PVT1: variants seen among roughly 807,000 people sequenced by gnomAD.
PVT1 encodes Pvt1 oncogene.
intron 3 of PVT1, among the ~76,000 whole-genome samples, chr8:127,893,056 A>C (rs950176726): frequency 8.5e-5 from 13 of 152,166 alleles, no homozygotes; most frequent in Non-Finnish European, 2.9e-5. Flanking sequence ...CAGTAGGGCC[A>C]GAGTGGGCTC....
intron 3 of PVT1, among the ~76,000 whole-genome samples, chr8:127,930,058 T>C (rs978349922): frequency 1.3e-5 from 2 of 152,168 alleles, no homozygotes; most frequent in Non-Finnish European, 2.9e-5. Context: ...TCACATGCTG[T>C]AGGGGAAAAG....
rs559763427 is a variant in PVT1, at chr8:127,899,965, A to T, written n.782+8967A>T. Among the ~76,000 whole-genome samples, 16 of 152,338 alleles carry T rather than the reference A, an allele frequency of 1.1e-4. No individual in the cohort carries two copies. The East Asian group carries it at 3.1e-3, about 29-fold the overall frequency. On this transcript the variant is annotated intron_variant and non_coding_transcript_variant, in intron 3 of 10. Transcript: ENST00000651587. ...ACAAAAGCCGTATTCCCACCCAAGG[A>T]TTAGCACATGCTCATGAGGTGGCAT...
intron 3 of PVT1, among the ~76,000 whole-genome samples, chr8:127,927,336 C>T (rs1016633423): frequency 2.6e-5 from 4 of 152,210 alleles, no homozygotes; most frequent in African/African-American, 4.8e-5. Context: ...GGCTCAGCCT[C>T]GCCAGATAGT....
At chr8:127,919,891 A>C (rs575239521) in intron 3 of PVT1, among the ~76,000 whole-genome samples, 1 of 152,272 alleles carries the variant, frequency 6.6e-6, no homozygotes, top group South Asian at 2.1e-4. Context: ...CCTGAATCTT[A>C]TCCCTTCGCA....
At chr8:127,870,813 T>C (rs1202368670) in intron 2 of PVT1, among the ~76,000 whole-genome samples, 1 of 152,218 alleles carries the variant, frequency 6.6e-6, no homozygotes, top group Non-Finnish European at 1.5e-5. Context: ...AATGATTAAA[T>C]GCGATGATGC....
At chr8:127,798,391 G>A (rs1814422422) in intron 2 of PVT1, among the ~76,000 whole-genome samples, 1 of 151,914 alleles carries the variant, frequency 6.6e-6, no homozygotes, top group South Asian at 2.1e-4. Context: ...TGCACCTTAG[G>A]CACAAACAGA....
At position 127,898,114 on chromosome 8, in the gene PVT1, G is replaced by A. The variant is rs577605936; in HGVS notation, n.782+7116G>A. On this transcript the variant is annotated intron_variant and non_coding_transcript_variant, in intron 3 of 10. Coordinates refer to ENST00000651587, the Ensembl canonical transcript of PVT1. The surrounding 1 kb of genome is among the most constrained non-coding windows in gnomAD (Gnocchi z 4.4). ...AGGAAGGAAGGAAAGAAGGAAGGAAGGAAGAAAGAAGGAAAGAAAGAAGAT... is the reference window on the plus strand; with the variant it reads ...AGGAAGGAAGGAAAGAAGGAAGGAAAGAAGAAAGAAGGAAAGAAAGAAGAT... Among the ~76,000 whole-genome samples the A allele has an allele frequency of 2.0e-5, 3 of 149,508 alleles. No homozygotes were observed. Among genetic ancestry groups the A allele is most frequent in the Non-Finnish European group, 4.5e-5 (3 of 67,386 alleles).
At chr8:127,830,439 A>T (rs1814836844) in intron 2 of PVT1, among the ~76,000 whole-genome samples, 2 of 151,026 alleles carry the variant, frequency 1.3e-5, no homozygotes, top group Non-Finnish European at 3.0e-5. Context: ...ATATTGCTTT[A>T]TTTCAGGAGA....
intron 2 of PVT1, among the ~76,000 whole-genome samples, chr8:127,844,132 A>G (rs748963118): frequency 2.0e-5 from 3 of 151,564 alleles, no homozygotes; most frequent in Non-Finnish European, 2.9e-5. Flanking sequence ...ACAGGCGCCC[A>G]CCACCATGCC....
chr8:127,985,158 C>T (rs186680954), intron 3 of PVT1, among the ~76,000 whole-genome samples: 105 of 151,696 alleles, frequency 6.9e-4, no homozygotes, highest in Admixed American at 2.2e-3. Context: ...CTCAACTCCC[C>T]GAGTAGCTGG....
At chr8:127,842,669 C>T (rs535673119) in intron 2 of PVT1, among the ~76,000 whole-genome samples, 40 of 152,310 alleles carry the variant, frequency 2.6e-4, no homozygotes, top group Non-Finnish European at 4.9e-4. Context: ...CATCTGTCCA[C>T]TCCTCCAAAG....
At chr8:128,055,671 C>A (rs186479289) in intron 4 of PVT1, among the ~76,000 whole-genome samples, 29 of 152,334 alleles carry the variant, frequency 1.9e-4, no homozygotes, top group African/African-American at 7.0e-4. Flanking sequence ...TTCTGTTCCA[C>A]ATGGGAGCAT....
intron 4 of PVT1, among the ~76,000 whole-genome samples, chr8:128,009,339 A>G (rs1202265810): frequency 2.0e-5 from 3 of 152,208 alleles, no homozygotes; most frequent in Non-Finnish European, 4.4e-5. Flanking sequence ...ATTTGCTACA[A>G]AAAAGTCCTA....
intron 5 of PVT1, among the ~76,000 whole-genome samples, chr8:128,072,032 T>A (rs149913814): frequency 6.6e-4 from 100 of 152,378 alleles, no homozygotes; most frequent in Middle Eastern, 6.8e-3. Flanking sequence ...TGGCACTTGA[T>A]ACTTATTAGC....
At chr8:127,994,859 C>T (rs1409093457) in intron 4 of PVT1, among the ~76,000 whole-genome samples, 3 of 152,342 alleles carry the variant, frequency 2.0e-5, no homozygotes, top group East Asian at 1.9e-4. Flanking sequence ...ATTCAACCTT[C>T]CTGTGCCTTT....
rs576790043 is a variant in PVT1 at position 128,079,113 on chromosome 8, C to T, written n.1114+8752C>T. ...CCACTTTATTCTGTAACCTTTTCAA[C>T]TACCATTTTGAAATTTGCTTTTATC... On this transcript the variant is annotated intron_variant and non_coding_transcript_variant, in intron 5 of 10. Transcript: ENST00000651587. Among the ~76,000 whole-genome samples the T allele has an allele frequency of 1.2e-4, 18 of 148,994 alleles. No homozygotes were observed. In the South Asian group the frequency reaches 3.9e-3, roughly 32 times the overall value.
intron 3 of PVT1, among the ~76,000 whole-genome samples, chr8:127,937,572 C>T (rs1228016356): frequency 1.0e-5 from 1 of 99,744 alleles, no homozygotes; most frequent in Admixed American, 1.0e-4. Flanking sequence ...CACACACACA[C>T]ACACACACAG....
intron 6 of PVT1, among the ~76,000 whole-genome samples, chr8:128,100,549 G>A (rs1586519840): frequency 6.6e-6 from 1 of 152,212 alleles, no homozygotes; most frequent in Non-Finnish European, 1.5e-5. Flanking sequence ...GGGAGGATGG[G>A]AAAGATGTTC....
At chr8:127,912,377 C>G (rs1237973570) in intron 3 of PVT1, among the ~76,000 whole-genome samples, 1 of 152,178 alleles carries the variant, frequency 6.6e-6, no homozygotes, top group African/African-American at 2.4e-5. Flanking sequence ...GATGAGGAAA[C>G]TGAGGCTCAG....
Sources: allele counts gnomAD v4.1 joint callset (sites outside exome capture counted in the v4.1 genomes callset), GRCh38; gene constraint gnomAD v4.1.1; non-coding constraint Gnocchi (gnomAD v3.1); transcripts MANE v1.5; gene names NCBI Gene and HGNC (gene_info 2026-07-23, HGNC 2026-07-21).